DST: variants seen among roughly 807,000 people sequenced by gnomAD.
DST encodes bullous pemphigoid antigen.
A neutral mutation model predicts 875.2 loss-of-function variants in DST; 253 were observed. The ratio of observed to expected loss-of-function variants is 0.29; its 90% CI spans 0.26 to 0.32. The LOEUF (loss-of-function observed/expected upper bound fraction) is 0.32, where lower values mean the gene tolerates loss of function less well. Ranked by LOEUF, DST falls within the 10% of genes least tolerant of loss-of-function variation. DST has a pLI of 1.00. For synonymous variants in DST, 3,124 were observed against 3,197.1 expected (o/e 0.98, Z 0.77); for missense variants, 8,287 against 9,111.6 (o/e 0.91, Z 3.68).
Position 56,603,983 on chromosome 6 carries a change from C to A in DST, c.10645G>T (p.Glu3549Ter). The A allele has an allele frequency of 6.2e-7, 1 of 1,609,242 alleles. No individual in the cohort carries two copies. Among genetic ancestry groups the A allele is most frequent in the African/African-American group, 1.3e-5 (1 of 74,950 alleles). Reference protein sequence around the residue: ...YYSPNLETVKEIGLESSTVWA... With the variant: ...YYSPNLETVK The stretch of plus-strand genomic sequence containing the variant: ...ACAGTAGAGCTTTCTAGTCCAATTT[C>A]TTTTACAGTTTCTAAATTAGGAGAA... Residue 3549 changes from glutamate (E) to a stop codon, truncating the protein, a stop_gained, in exon 40 of 104, where the codon GAA becomes TAA. Transcript: ENST00000680361. LOFTEE classifies it high-confidence loss of function.
rs751522076 is a variant in DST, at chr6:56,535,102, C to T, written c.16941+20G>A. 12 of 1,609,720 alleles carry T rather than the reference C, an allele frequency of 7.5e-6. No individual in the cohort carries two copies. Among genetic ancestry groups the T allele is most frequent in the Admixed American group, 5.1e-5 (3 of 58,824 alleles). On this transcript the variant is annotated intron_variant, in intron 63 of 103. Transcript: ENST00000680361. ...TTAAGATTTAATATGAAACGCAATA[C>T]AAAAGCATGACTAACTTACCTTTTG... is the stretch of plus-strand genomic sequence containing the variant.
intron 3 of DST, among the ~76,000 whole-genome samples, chr6:56,887,776 C>T (rs1785303036): frequency 1.3e-5 from 2 of 151,950 alleles, no homozygotes; most frequent in Non-Finnish European, 2.9e-5. Context: ...TTATTTTTCT[C>T]CAAGCAGAAC....
At chr6:56,542,428 T>TAAAAAAAA (rs60688419) in intron 61 of DST, 24 of 68,086 alleles carry the variant, frequency 3.5e-4, no homozygotes, top group African/African-American at 1.6e-3. Flanking sequence ...TAAGCTTCTT[T>TAAAAAAAA]AAAAAAAAAA....
chr6:56,823,578 T>G (rs1591204648), intron 4 of DST, among the ~76,000 whole-genome samples: 1 of 152,254 alleles, frequency 6.6e-6, no homozygotes, highest in South Asian at 2.1e-4. Context: ...ACCCAGCTCA[T>G]TTTTGTATTT....
chr6:56,476,255 G>A lies in DST; in HGVS notation c.21758C>T (p.Ala7253Val), dbSNP rs1394025588. 1.2e-6 allele frequency: 2 copies of A among 1,610,738 alleles called. No individual in the cohort carries two copies. The highest frequency in any genetic ancestry group is 2.2e-5 in the East Asian group (1 of 44,836). Residue 7253 changes from alanine to valine, a missense_variant, in exon 92 of 104, where the codon GCT (alanine) becomes GTT (valine). This residue lies in a region of DST where 1,292 missense variants were observed against 1,552.7 expected (regional missense o/e 0.83). Coordinates refer to ENST00000680361, the MANE Select transcript of DST (RefSeq NM_001374736.1). ...AGCCCATTGCAACCAAGCCAGCAAA[G>A]CTTCCAACAATTCCTGTTTGGCAAT... ...GLIAKQELLEALLAWLQWAET... is the reference protein window; with the variant it reads ...GLIAKQELLEVLLAWLQWAET...
intron 9 of DST, among the ~76,000 whole-genome samples, chr6:56,695,393 CA>C (rs1452827012): frequency 6.7e-6 from 1 of 148,524 alleles, no homozygotes; most frequent in Non-Finnish European, 1.5e-5. Flanking sequence ...TACAGCAACA[CA>C]AAATGAACTA....
intron 4 of DST, among the ~76,000 whole-genome samples, chr6:56,839,203 A>G (rs1017423267): frequency 2.0e-5 from 3 of 152,232 alleles, no homozygotes; most frequent in African/African-American, 7.2e-5. Flanking sequence ...AAGATACACT[A>G]TAAATAGCCA....
At position 56,492,983 on chromosome 6, in the gene DST, C is replaced by T. The variant is rs763603436; in HGVS notation, c.20501G>A (p.Arg6834Gln). The T allele has an allele frequency of 3.1e-6, 5 of 1,611,946 alleles. No individual in the cohort carries two copies. The highest frequency in any genetic ancestry group is 2.2e-5 in the East Asian group (1 of 44,790). The change falls in exon 84 of 104, where the codon CGG becomes CAG. Residue 6834 changes from arginine to glutamine, a missense_variant. Arg to Gln is a conservative substitution (Grantham distance 43). Transcript: ENST00000680361. Reference protein sequence around the residue: ...QAEQTLNVASRPSLILDTVLF... With the variant: ...QAEQTLNVASQPSLILDTVLF... ...GACTGTGTCCAAGATGAGACTTGGC[C>T]GAGAAGCTACATTTAGGGTCTGTTC... is the stretch of plus-strand genomic sequence containing the variant.
At chr6:56,494,271 C>A in intron 82 of DST, 91 bp from the exon 83 acceptor site, 1 of 1,212,130 alleles carries the variant, frequency 8.2e-7, no homozygotes, top group African/African-American at 1.5e-5. Context: ...AGCTCCTCAT[C>A]ATATATTCAT....
intron 4 of DST, among the ~76,000 whole-genome samples, chr6:56,775,025 A>T (rs2152982782): frequency 6.6e-6 from 1 of 152,104 alleles, no homozygotes; most frequent in Non-Finnish European, 1.5e-5. Context: ...AAAGAAATAC[A>T]AATCCCTAAC....
Position 56,607,474 on chromosome 6 carries a change from C to CT in DST, c.7153dup (p.Ser2385LysfsTer4). On this transcript the variant is annotated frameshift_variant, in exon 40 of 104. Transcript: ENST00000680361. LOFTEE classifies it high-confidence loss of function. ...AAAGTTTTGAATGTTTTTAGAATGA[C>CT]TACATTCATTTGCACGTTCATTTGT... is the stretch of plus-strand genomic sequence containing the variant. The CT allele has an allele frequency of 6.3e-7, 1 of 1,599,244 alleles. No individual in the cohort carries two copies. The highest frequency in any genetic ancestry group is 8.5e-7 in the Non-Finnish European group (1 of 1,171,624).
chr6:56,541,023 C>T (rs1467479524), intron 61 of DST: 1 of 152,624 alleles, frequency 6.6e-6, no homozygotes, highest in African/African-American at 2.4e-5. Context: ...GAGTCATCCT[C>T]CTCCGAAGTG....
chr6:56,843,716 GGGT>G, intron 4 of DST: 1 of 363,728 alleles, frequency 2.7e-6, no homozygotes, highest in Non-Finnish European at 3.8e-6. Flanking sequence ...GGAGGGTGGA[GGGT>G]GGAGGGTGGA....
rs1484128303 is a variant in DST at position 56,505,609 on chromosome 6, C to G, written c.19464+834G>C. Among the ~76,000 whole-genome samples, 3 of 151,724 alleles carry G rather than the reference C, an allele frequency of 2.0e-5. No homozygotes were observed. In the East Asian group the frequency reaches 5.8e-4, roughly 29 times the overall value. Reference sequence around the variant, plus strand: ...AGCCTAGCTGTGACATTTATTTTTACAAATATAGAAATGGAATGGCATAAT... The same window carrying G: ...AGCCTAGCTGTGACATTTATTTTTAGAAATATAGAAATGGAATGGCATAAT... On this transcript the variant is annotated intron_variant, in intron 77 of 103. Transcript: ENST00000680361.
At chr6:56,917,194 T>C (rs1801684923) in intron 2 of DST, among the ~76,000 whole-genome samples, 1 of 152,164 alleles carries the variant, frequency 6.6e-6, no homozygotes, top group Admixed American at 6.5e-5. Context: ...AAGTCTTAAA[T>C]GCTTTTTCTG....
intron 61 of DST, among the ~76,000 whole-genome samples, chr6:56,543,461 T>C (rs1485570195): frequency 6.6e-6 from 1 of 152,218 alleles, no homozygotes; most frequent in African/African-American, 2.4e-5. Context: ...AGAGTGGTAC[T>C]CACTGACTCC....
chr6:56,600,058 C>T lies in DST; in HGVS notation c.11694+11G>A, dbSNP rs200533937. 6.2e-7 allele frequency: 1 copy of T among 1,608,020 alleles called. No individual in the cohort carries two copies. The highest frequency in any genetic ancestry group is 2.2e-5 in the East Asian group (1 of 44,784). On this transcript the variant is annotated intron_variant, in intron 45 of 103. Coordinates refer to ENST00000680361, the MANE Select transcript of DST (RefSeq NM_001374736.1). Reference sequence around the variant, plus strand: ...TCAACATAGATCTGCTGATAGAAAACCAAATTCTACCTCTTGCTTGGACTG... The same window carrying T: ...TCAACATAGATCTGCTGATAGAAAATCAAATTCTACCTCTTGCTTGGACTG...
Position 56,482,037 on chromosome 6 carries a change from A to G in DST, c.21531+13T>C, listed in dbSNP as rs571176529. On this transcript the variant is annotated intron_variant, in intron 90 of 103. Coordinates refer to ENST00000680361, the MANE Select transcript of DST (RefSeq NM_001374736.1). ...TCTAATTTAGCTTTACATAGCATTT[A>G]TATATTACTCACTTTATGCTGATCA... The G allele has an allele frequency of 6.2e-7, 1 of 1,612,104 alleles. No homozygotes were observed. The highest frequency in any genetic ancestry group is 1.1e-5 in the South Asian group (1 of 90,732).
In DST at chr6:56,603,667, T is replaced by C. The variant is rs371042870; in HGVS notation, c.10838A>G (p.His3613Arg). The C allele has an allele frequency of 5.6e-5, 90 of 1,610,060 alleles. No individual in the cohort carries two copies. Among genetic ancestry groups the C allele is most frequent in the Non-Finnish European group, 7.3e-5 (86 of 1,178,544 alleles). Residue 3613 changes from histidine to arginine, a missense_variant, in exon 41 of 104, where the codon CAT (histidine) becomes CGT (arginine). Transcript: ENST00000680361. ...ATCTTGAAGCAATGTCAAATACTCATGCATTTTTTCAGTGTGCTGTAAACA... is the reference window on the plus strand; with the variant it reads ...ATCTTGAAGCAATGTCAAATACTCACGCATTTTTTCAGTGTGCTGTAAACA... The part of the protein sequence containing the change: ...QQCLQHTEKM[H>R]EYLTLLQDMK...
Sources: gnomAD v4.1 joint callset for allele counts (sites outside exome capture counted in the v4.1 genomes callset) on GRCh38, gnomAD v4.1.1 for gene constraint, gnomAD v4.1.1 regional missense constraint, MANE v1.5 for transcripts, NCBI Gene and HGNC (gene_info 2026-07-23, HGNC 2026-07-21) for gene names.